NLGN1: variants seen among roughly 807,000 people sequenced by gnomAD.
NLGN1 encodes neuroligin-1.
In NLGN1, 12 loss-of-function variants were observed where a neutral mutation model predicts 65.5. That is an observed-to-expected ratio of 0.18 (90% CI 0.12 to 0.30). NLGN1 has a LOEUF of 0.30. Ranked by LOEUF, NLGN1 falls within the 10% of genes least tolerant of loss-of-function variation. NLGN1 has a pLI of 1.00. For synonymous variants in NLGN1, 350 were observed against 359.5 expected, an observed-to-expected ratio of 0.97 and a Z score of 0.30; for missense variants, 750 against 1,007.1, an observed-to-expected ratio of 0.74 and a Z score of 3.46.
intron 4 of NLGN1, among the ~76,000 whole-genome samples, chr3:173,973,224 A>C (rs977567096): frequency 3.9e-5 from 6 of 152,144 alleles, no homozygotes; most frequent in Non-Finnish European, 7.4e-5. Context: ...AAATGGAATA[A>C]ATTTCTAAGT....
Position 173,640,030 on chromosome 3 carries a change from A to T in NLGN1, c.493+34939A>T, listed in dbSNP as rs541193056. Reference sequence around the variant, plus strand: ...CTAAACTGCAATATTCTAATTCATTATTGAAAAAAGCTTTTAAAATCACCT... The same window carrying T: ...CTAAACTGCAATATTCTAATTCATTTTTGAAAAAAGCTTTTAAAATCACCT... On this transcript the variant is annotated intron_variant, in intron 3 of 6. Transcript: ENST00000457714. Among the ~76,000 whole-genome samples, 27 of 152,200 alleles carry T rather than the reference A, an allele frequency of 1.8e-4. No individual in the cohort carries two copies. In the South Asian group the frequency reaches 5.0e-3, roughly 28 times the overall value.
intron 4 of NLGN1, among the ~76,000 whole-genome samples, chr3:173,888,649 A>G (rs1192703861): frequency 6.6e-6 from 1 of 152,122 alleles, no homozygotes; most frequent in Admixed American, 6.6e-5. Flanking sequence ...AATATATAAT[A>G]AACTTATGAC....
intron 4 of NLGN1, among the ~76,000 whole-genome samples, chr3:173,859,104 C>T (rs931094985): frequency 6.6e-6 from 1 of 151,774 alleles, no homozygotes; most frequent in African/African-American, 2.4e-5. Context: ...GTCAATAAAA[C>T]CTGAAATGCT....
At chr3:174,049,429 A>T (rs1012698839) in intron 4 of NLGN1, among the ~76,000 whole-genome samples, 5 of 152,062 alleles carry the variant, frequency 3.3e-5, no homozygotes, top group Non-Finnish European at 5.9e-5. Context: ...AGCAGGGATA[A>T]GCTGGGATGG....
intron 3 of NLGN1, among the ~76,000 whole-genome samples, chr3:173,710,198 A>G (rs1358935124): frequency 6.6e-6 from 1 of 152,186 alleles, no homozygotes; most frequent in Admixed American, 6.5e-5. Flanking sequence ...GATACAGTAG[A>G]TGATATTAGA....
chr3:174,174,392 C>A (rs1729076507), intron 4 of NLGN1, among the ~76,000 whole-genome samples: 1 of 152,058 alleles, frequency 6.6e-6, no homozygotes, highest in African/African-American at 2.4e-5. Flanking sequence ...TTTAAGGAAA[C>A]TCCACACTGT....
intron 4 of NLGN1, among the ~76,000 whole-genome samples, chr3:174,129,287 T>C (rs553012469): frequency 6.6e-6 from 1 of 151,616 alleles, no homozygotes; most frequent in African/African-American, 2.4e-5. Flanking sequence ...TTGTATGGCA[T>C]AGATGAATAA....
At chr3:173,778,428 G>A (rs1185210674) in intron 3 of NLGN1, among the ~76,000 whole-genome samples, 2 of 151,784 alleles carry the variant, frequency 1.3e-5, no homozygotes, top group Non-Finnish European at 3.0e-5. Flanking sequence ...ATGTGCCAAT[G>A]TTTCCATCTT....
At chr3:173,774,054 C>T (rs983671765) in intron 3 of NLGN1, among the ~76,000 whole-genome samples, 4 of 152,090 alleles carry the variant, frequency 2.6e-5, no homozygotes, top group Non-Finnish European at 5.9e-5. Context: ...CCAGGAAGGC[C>T]GATGCATTCA....
chr3:173,574,793 T>C (rs552192152), intron 2 of NLGN1, among the ~76,000 whole-genome samples: 2 of 152,226 alleles, frequency 1.3e-5, no homozygotes, highest in South Asian at 4.1e-4. Flanking sequence ...GTCACAGTTT[T>C]GTTCACAAGA....
At chr3:173,883,666 A>G (rs559067253) in intron 4 of NLGN1, among the ~76,000 whole-genome samples, 4 of 146,492 alleles carry the variant, frequency 2.7e-5, no homozygotes, top group Admixed American at 2.7e-4. Context: ...TGTTTGAAAC[A>G]TATATACATT....
At chr3:173,782,160 A>G (rs1353827662) in intron 3 of NLGN1, among the ~76,000 whole-genome samples, 1 of 152,016 alleles carries the variant, frequency 6.6e-6, no homozygotes, top group Non-Finnish European at 1.5e-5. Flanking sequence ...GGCAAATTAG[A>G]CACGAAATCT....
chr3:173,915,543 T>G (rs1308394068), intron 4 of NLGN1, among the ~76,000 whole-genome samples: 2 of 152,216 alleles, frequency 1.3e-5, no homozygotes, highest in African/African-American at 4.8e-5. Context: ...TATCAAGGAT[T>G]CTTTGCCTTA....
chr3:173,402,267 T>C (rs1477080773), intron 1 of NLGN1, among the ~76,000 whole-genome samples: 1 of 152,190 alleles, frequency 6.6e-6, no homozygotes, highest in Non-Finnish European at 1.5e-5. Context: ...GATTCTATCA[T>C]AGGAAATAAT....
chr3:174,180,828 G>T (rs1048615357), intron 4 of NLGN1: 5 of 151,914 alleles, frequency 3.3e-5, no homozygotes, highest in African/African-American at 1.2e-4. Flanking sequence ...AAGAAGGAAA[G>T]ATAAATGCAT....
intron 2 of NLGN1, among the ~76,000 whole-genome samples, chr3:173,510,550 A>G (rs1437469409): frequency 1.3e-5 from 2 of 152,192 alleles, no homozygotes; most frequent in Non-Finnish European, 2.9e-5. Context: ...AAATTGTTTT[A>G]TTGCCCAGAT....
chr3:173,658,049 T>G lies in NLGN1; in HGVS notation c.493+52958T>G, dbSNP rs1322517482. ...ACCCTATCAATAAAACATAGGTAAT[T>G]AAAGAACTAAAAATGGTGTAACTTT... On this transcript the variant is annotated intron_variant, in intron 3 of 6. Coordinates refer to ENST00000457714, the Ensembl canonical transcript of NLGN1. Among the ~76,000 whole-genome samples the G allele has an allele frequency of 2.6e-5, 4 of 151,878 alleles. No individual in the cohort carries two copies. In the East Asian group the frequency reaches 7.7e-4, roughly 29 times the overall value.
At chr3:173,460,964 T>C (rs1236144107) in intron 2 of NLGN1, among the ~76,000 whole-genome samples, 1 of 152,142 alleles carries the variant, frequency 6.6e-6, no homozygotes, top group East Asian at 1.9e-4. Flanking sequence ...TGAAAGAGAC[T>C]TAGTCTATTT....
chr3:173,461,683 T>C (rs1006350162), intron 2 of NLGN1, among the ~76,000 whole-genome samples: 1 of 152,060 alleles, frequency 6.6e-6, no homozygotes, highest in African/African-American at 2.4e-5. Context: ...TTGAATCATG[T>C]CCGGTTACTC....
Sources: allele counts gnomAD v4.1 joint callset (sites outside exome capture counted in the v4.1 genomes callset), GRCh38; gene constraint gnomAD v4.1.1; transcripts MANE v1.5; gene names NCBI Gene and HGNC (gene_info 2026-07-23, HGNC 2026-07-21).